MTHFD1L: variants seen among roughly 807,000 people sequenced by gnomAD.
MTHFD1L encodes monofunctional C1-tetrahydrofolate synthase, mitochondrial.
MTHFD1L carries 81 observed loss-of-function variants against 119.5 expected under a neutral mutation model. That is an observed-to-expected ratio of 0.68 (90% CI 0.57 to 0.82). MTHFD1L has a LOEUF of 0.82. Ranked by LOEUF, MTHFD1L falls within the 40% of genes least tolerant of loss-of-function variation. The pLI, the probability that MTHFD1L is intolerant of heterozygous loss-of-function variation, is 0.00. For missense variants in MTHFD1L, 1,125 were observed against 1,253.4 expected, an observed-to-expected ratio of 0.90 and a Z score of 1.55; for synonymous variants, 430 against 475.2, an observed-to-expected ratio of 0.90 and a Z score of 1.24.
chr6:150,888,053 G>A (rs1782613639), intron 7 of MTHFD1L, 72 bp downstream of exon 7: 2 of 1,441,324 alleles, frequency 1.4e-6, no homozygotes, highest in East Asian at 5.0e-5. Context: ...AAATGTATAA[G>A]CTAAGTGCTT....
chr6:150,919,263 A>C (rs986560890), intron 9 of MTHFD1L, among the ~76,000 whole-genome samples: 1 of 151,444 alleles, frequency 6.6e-6, no homozygotes, highest in African/African-American at 2.4e-5. Flanking sequence ...TCACTTTGTC[A>C]CCCAGGCTGG....
chr6:150,866,528 G>A (rs1210468512), intron 1 of MTHFD1L: 12 of 1,274,946 alleles, frequency 9.4e-6, no homozygotes, highest in Non-Finnish European at 8.9e-6. Context: ...CTCGGGCCCA[G>A]CGCCGCCCGC....
At chr6:150,948,524 A>G (rs1307927934) in intron 15 of MTHFD1L, among the ~76,000 whole-genome samples, 4 of 151,436 alleles carry the variant, frequency 2.6e-5, no homozygotes, top group South Asian at 4.2e-4. Flanking sequence ...GGGATTCACC[A>G]TGTTGGCCAG....
intron 20 of MTHFD1L, among the ~76,000 whole-genome samples, chr6:150,973,084 C>T (rs893229218): frequency 1.3e-5 from 2 of 152,232 alleles, no homozygotes; most frequent in Admixed American, 1.3e-4. Context: ...GCAGATTTCC[C>T]ATGCTAACAG....
intron 26 of MTHFD1L, among the ~76,000 whole-genome samples, chr6:151,081,233 A>C (rs1051995561): frequency 6.6e-6 from 1 of 152,178 alleles, no homozygotes; most frequent in African/African-American, 2.4e-5. Flanking sequence ...TACTTCAGCC[A>C]GTCTTGGCCA....
At chr6:151,084,095 A>G (rs185312913) in intron 26 of MTHFD1L, among the ~76,000 whole-genome samples, 98 of 152,344 alleles carry the variant, frequency 6.4e-4, no homozygotes, top group Non-Finnish European at 1.2e-3. Flanking sequence ...GGCTACATCT[A>G]TAGCTACATT....
chr6:150,914,364 C>T (rs944897284), intron 8 of MTHFD1L, among the ~76,000 whole-genome samples: 3 of 152,086 alleles, frequency 2.0e-5, no homozygotes, highest in Admixed American at 6.6e-5. Context: ...ATTAAAAGGA[C>T]CAAAAGTTAA....
At chr6:150,866,769 A>C in intron 1 of MTHFD1L, 1 of 904,034 alleles carries the variant, frequency 1.1e-6, no homozygotes, top group Non-Finnish European at 1.3e-6. Context: ...GCCCAGAGCG[A>C]ACTGGGAGCC....
intron 24 of MTHFD1L, among the ~76,000 whole-genome samples, chr6:151,023,596 G>A (rs1784252688): frequency 6.6e-6 from 1 of 152,114 alleles, no homozygotes; most frequent in Non-Finnish European, 1.5e-5. Flanking sequence ...TTCTGGCAAA[G>A]CTTGCCCCAG....
At chr6:150,915,281 C>T (rs1304311949) in intron 8 of MTHFD1L, among the ~76,000 whole-genome samples, 1 of 152,070 alleles carries the variant, frequency 6.6e-6, no homozygotes, top group Non-Finnish European at 1.5e-5. Flanking sequence ...AGCTCATCAG[C>T]TATCATAGTG....
At chr6:151,092,173 A>G (rs949113533) in intron 26 of MTHFD1L, among the ~76,000 whole-genome samples, 1 of 152,074 alleles carries the variant, frequency 6.6e-6, no homozygotes, top group Non-Finnish European at 1.5e-5. Flanking sequence ...TGAAGATTTT[A>G]TTGAGAAGAA....
At chr6:150,889,232 GTA>G (rs1291686512) in intron 7 of MTHFD1L, among the ~76,000 whole-genome samples, 9 of 151,694 alleles carry the variant, frequency 5.9e-5, no homozygotes, top group African/African-American at 2.2e-4. Flanking sequence ...AACTAGTTAT[GTA>G]TATGAGTCTA....
In MTHFD1L at chr6:151,026,418, G is replaced by C. The variant is rs569717915; in HGVS notation, c.2587-8075G>C. ...AGATTGACAGTTCAGTTTCTGGATT[G>C]TTCCAGTCCCATTTCCAGTGCTTTT... On this transcript the variant is annotated intron_variant, in intron 24 of 27. Coordinates refer to ENST00000367321, the MANE Select transcript of MTHFD1L (RefSeq NM_015440.5). Among the ~76,000 whole-genome samples the C allele has an allele frequency of 1.5e-4, 23 of 152,296 alleles. No homozygotes were observed. The South Asian group carries it at 4.8e-3, about 32-fold the overall frequency.
At chr6:150,866,757 G>A in intron 1 of MTHFD1L, 1 of 978,616 alleles carries the variant, frequency 1.0e-6, no homozygotes, top group South Asian at 4.9e-5. Context: ...GGTTTTCTGC[G>A]GGCCCAGAGC....
At chr6:151,058,003 C>T (rs1174913180) in intron 26 of MTHFD1L, among the ~76,000 whole-genome samples, 1 of 152,140 alleles carries the variant, frequency 6.6e-6, no homozygotes, top group African/African-American at 2.4e-5. Flanking sequence ...TCTCAAACTC[C>T]TGACCGCACA....
intron 11 of MTHFD1L, among the ~76,000 whole-genome samples, chr6:150,936,174 C>T (rs897292711): frequency 2.0e-5 from 3 of 152,106 alleles, no homozygotes; most frequent in African/African-American, 7.2e-5. Context: ...AACATGAATG[C>T]AGATGCCTTC....
At chr6:150,957,689 C>T (rs1738585) in intron 17 of MTHFD1L, among the ~76,000 whole-genome samples, 43,169 of 151,930 alleles carry the variant, frequency 0.28, 6,475 homozygotes, top group East Asian at 0.49. Flanking sequence ...AATAAATGTG[C>T]GTATGGGTGT....
At chr6:151,077,724 A>G (rs1562634981) in intron 26 of MTHFD1L, among the ~76,000 whole-genome samples, 1 of 151,138 alleles carries the variant, frequency 6.6e-6, no homozygotes, top group Admixed American at 6.6e-5. Flanking sequence ...CAAAAACAAA[A>G]CCATAATACT....
At chr6:151,077,691 A>C (rs1318909464) in intron 26 of MTHFD1L, among the ~76,000 whole-genome samples, 4 of 151,240 alleles carry the variant, frequency 2.6e-5, no homozygotes, top group African/African-American at 9.7e-5. Flanking sequence ...AAAAGAAAAA[A>C]ATAAATAAAA....
Sources: allele counts gnomAD v4.1 joint callset (sites outside exome capture counted in the v4.1 genomes callset), GRCh38; gene constraint gnomAD v4.1.1; transcripts MANE v1.5; gene names NCBI Gene and HGNC (gene_info 2026-07-23, HGNC 2026-07-21).